LIG1: variants seen among roughly 807,000 people sequenced by gnomAD.
The protein encoded by LIG1 is DNA ligase 1, also known as ligase I, DNA, ATP-dependent.
Under a neutral mutation model 115.7 loss-of-function variants are expected in LIG1, and 70 were observed. That is an observed-to-expected ratio of 0.60 (90% CI 0.50 to 0.74). LIG1 has a LOEUF of 0.74. LIG1 is among the 30% of genes least tolerant of loss of function. The pLI is 0.00. For missense variants in LIG1, 1,115 were observed against 1,225.6 expected, an observed-to-expected ratio of 0.91 and a Z score of 1.35; for synonymous variants, 487 against 495.3, an observed-to-expected ratio of 0.98 and a Z score of 0.22.
chr19:48,156,837 A>C (rs1008249991), intron 5 of LIG1, among the ~76,000 whole-genome samples, 177 bp downstream of exon 5: 1 of 147,534 alleles, frequency 6.8e-6, no homozygotes, highest in South Asian at 2.3e-4. Flanking sequence ...GCTACTCAGG[A>C]GGCTAAGGCA....
chr19:48,156,208 T>C (rs187933608), intron 5 of LIG1, among the ~76,000 whole-genome samples: 3 of 152,270 alleles, frequency 2.0e-5, no homozygotes, highest in Non-Finnish European at 4.4e-5. Context: ...TCAATTTCTA[T>C]GTTCCCCTTG....
At chr19:48,153,637 AACACACACACACACACACACAC>A (rs36171813) in intron 6 of LIG1, among the ~76,000 whole-genome samples, 33 of 58,784 alleles carry the variant, frequency 5.6e-4, no homozygotes, top group Middle Eastern at 0.014. Context: ...GCAGATCCAA[AACACACACACACACACACACAC>A]ACACACACAC....
At chr19:48,127,025 T>C in intron 21 of LIG1, 1 of 526,424 alleles carries the variant, frequency 1.9e-6, no homozygotes, top group Non-Finnish European at 3.4e-6. Context: ...ACTCTTCTCG[T>C]TGCAGGACCT....
At chr19:48,151,678 G>A (rs1198123751) in intron 6 of LIG1, among the ~76,000 whole-genome samples, 3 of 152,072 alleles carry the variant, frequency 2.0e-5, no homozygotes, top group African/African-American at 4.8e-5. Context: ...TGAGCCACCC[G>A]CCTTGGCCTC....
At chr19:48,133,333 G>T in intron 17 of LIG1, 1 of 551,762 alleles carries the variant, frequency 1.8e-6, no homozygotes, top group Non-Finnish European at 3.3e-6. Flanking sequence ...TGCAATGTCT[G>T]GCTCACATCC....
rs932418440 is a variant in LIG1 at position 48,119,082 on chromosome 19, T to C, written c.2439+55A>G. Reference sequence around the variant, plus strand: ...AGAGCCCTGCATGGAAGGACTGTGCTGTCAGGGGCAGGGGGGAGAGGGGTG... The same window carrying C: ...AGAGCCCTGCATGGAAGGACTGTGCCGTCAGGGGCAGGGGGGAGAGGGGTG... On this transcript the variant is annotated intron_variant, in intron 25 of 27. Transcript: ENST00000263274. 9 of 1,390,964 alleles carry C rather than the reference T, an allele frequency of 6.5e-6. No individual in the cohort carries two copies. In the African/African-American group the frequency reaches 1.3e-4, roughly 20 times the overall value. The allele number at this position is 1,390,964 out of a possible 1,614,324, so 86.2% of individuals were successfully genotyped here. A position where few individuals can be genotyped will look rare whatever the true frequency, so the allele number is the denominator to read the frequency against.
At chr19:48,149,529 G>C (rs1034374755) in intron 9 of LIG1, among the ~76,000 whole-genome samples, 1 of 152,162 alleles carries the variant, frequency 6.6e-6, no homozygotes, top group African/African-American at 2.4e-5. Context: ...CTGGGGCCAC[G>C]GTCAGCAAAC....
At position 48,122,974 on chromosome 19, in the gene LIG1, G is replaced by T. The variant is rs2033399394; in HGVS notation, c.2192C>A (p.Ala731Asp). The change falls in exon 23 of 28, where the codon GCC (alanine) becomes GAC (aspartate). Residue 731 changes from alanine to aspartate, a missense_variant. Physicochemically the swap from Ala to Asp is moderately radical, Grantham distance 126. Coordinates refer to ENST00000263274, the MANE Select transcript of LIG1 (RefSeq NM_000234.3). This position sits in a 1 kb window ranked among gnomAD's most constrained non-coding sequence, Gnocchi z 4.3. ...CGATCTCTTGGCGATCTCGTAGGTGGCATCAACATCCAGGGTCTTCACCAT... is the reference window on the plus strand; with the variant it reads ...CGATCTCTTGGCGATCTCGTAGGTGTCATCAACATCCAGGGTCTTCACCAT... The part of the protein sequence containing the change: ...GLMVKTLDVD[A>D]TYEIAKRSHN... 1 of 1,613,522 alleles carries T rather than the reference G, an allele frequency of 6.2e-7. No individual in the cohort carries two copies. Among genetic ancestry groups the T allele is most frequent in the Non-Finnish European group, 8.5e-7 (1 of 1,179,976 alleles).
chr19:48,142,911 G>A (rs1435629547), intron 11 of LIG1, among the ~76,000 whole-genome samples: 1 of 152,150 alleles, frequency 6.6e-6, no homozygotes, highest in Non-Finnish European at 1.5e-5. Flanking sequence ...CCGATGTGCT[G>A]GAATTAAGGC....
At chr19:48,143,426 A>T (rs772011853) in intron 11 of LIG1, 117 bp downstream of exon 11, 6 of 937,226 alleles carry the variant, frequency 6.4e-6, no homozygotes, top group Non-Finnish European at 1.1e-5. Flanking sequence ...CATACGCCCG[A>T]GCGGGGTCAG....
chr19:48,148,712 C>T (rs1467455325), intron 9 of LIG1, among the ~76,000 whole-genome samples: 1 of 152,146 alleles, frequency 6.6e-6, no homozygotes. Flanking sequence ...TCCACCCACG[C>T]ATCCAATCAT....
At chr19:48,119,899 T>G (rs2033150873) in intron 24 of LIG1, among the ~76,000 whole-genome samples, 1 of 152,166 alleles carries the variant, frequency 6.6e-6, no homozygotes, top group African/African-American at 2.4e-5. Context: ...TAGGAAAGGC[T>G]AAAAATTAGC....
At chr19:48,117,077 G>A (rs2032890940) in intron 26 of LIG1, among the ~76,000 whole-genome samples, 1 of 152,026 alleles carries the variant, frequency 6.6e-6, no homozygotes, top group Non-Finnish European at 1.5e-5. Flanking sequence ...CAAGTGATCT[G>A]CCTGCCTCGG....
At chr19:48,145,315 C>A (rs2035048860) in intron 9 of LIG1, among the ~76,000 whole-genome samples, 1 of 152,174 alleles carries the variant, frequency 6.6e-6, no homozygotes, top group African/African-American at 2.4e-5. Flanking sequence ...AAGCAGCTTC[C>A]CCTCTCTGAA....
At chr19:48,139,874 C>T in intron 12 of LIG1, 97 bp downstream of exon 12, 1 of 1,404,606 alleles carries the variant, frequency 7.1e-7, no homozygotes, top group Non-Finnish European at 1.0e-6. Flanking sequence ...CCCTGTTTCA[C>T]AGCCTCTCTC....
chr19:48,143,701 A>G (rs927336939), intron 10 of LIG1, 102 bp from the exon 11 acceptor site: 5 of 1,150,754 alleles, frequency 4.3e-6, no homozygotes, highest in Admixed American at 3.4e-5. Context: ...CACCCTTGCC[A>G]ATACCCAAAT....
chr19:48,117,826 A>G, intron 25 of LIG1, 45 bp from the exon 26 acceptor site: 1 of 1,599,742 alleles, frequency 6.3e-7, no homozygotes, highest in Non-Finnish European at 8.5e-7. Context: ...CTGGAATCTC[A>G]AAGTCAAGGC....
At chr19:48,141,451 T>C (rs547636177) in intron 11 of LIG1, among the ~76,000 whole-genome samples, 14 of 152,268 alleles carry the variant, frequency 9.2e-5, no homozygotes, top group East Asian at 3.9e-4. Context: ...TTTTAACTCA[T>C]AGAATCTTCA....
rs1260849650 is a variant in LIG1, at chr19:48,123,264, C to A, written c.2059G>T (p.Val687Leu). The A allele has an allele frequency of 6.2e-7, 1 of 1,614,146 alleles. No homozygotes were observed. Among genetic ancestry groups the A allele is most frequent in the East Asian group, 2.2e-5 (1 of 44,874 alleles). ...AAGACAAACTCGCCCTCTGTCTCCA[C>A]AAAGTTCTCCCGGAGCAGCTGCCGG... ...RRRQLLRENF[V>L]ETEGEFVFAT... Residue 687 changes from valine to leucine, a missense_variant, in exon 22 of 28, where the codon GTG (valine) becomes TTG (leucine). Coordinates refer to ENST00000263274, the MANE Select transcript of LIG1 (RefSeq NM_000234.3).
Sources: allele counts gnomAD v4.1 joint callset (sites outside exome capture counted in the v4.1 genomes callset), GRCh38; gene constraint gnomAD v4.1.1; non-coding constraint Gnocchi (gnomAD v3.1); transcripts MANE v1.5; gene names NCBI Gene and HGNC (gene_info 2026-07-23, HGNC 2026-07-21).